Variants in ADA2 observed in about 807,000 individuals in gnomAD.
ADA2 encodes adenosine deaminase 2, also known as adenosine deaminase CECR1.
Under a neutral mutation model 44.2 loss-of-function variants are expected in ADA2, and 29 were observed. The ratio of observed to expected loss-of-function variants is 0.66; its 90% CI spans 0.49 to 0.89. The LOEUF (loss-of-function observed/expected upper bound fraction) is 0.89. Among genes scored for constraint, ADA2 ranks in the 40% least tolerant of loss-of-function variants. ADA2 has a pLI of 0.00. For missense variants in ADA2, 637 were observed against 644.8 expected (o/e 0.99, Z 0.13); for synonymous variants, 215 against 234.9 (o/e 0.92, Z 0.77).
chr22:17,183,169 C>T (rs1017741922), intron 7 of ADA2, among the ~76,000 whole-genome samples: 1 of 152,068 alleles, frequency 6.6e-6, no homozygotes, highest in African/African-American at 2.4e-5. Flanking sequence ...CTGCAACCTC[C>T]ACCTCCCAGG....
rs570657103 is a variant in ADA2 at position 17,183,564 on chromosome 22, G to A, written c.1082-803C>T. ...CAACCTCCGCCTCCCGGGTTCAAGC[G>A]GATTCTCCTGCCTCAGCCTCCTGAG... On this transcript the variant is annotated intron_variant, in intron 7 of 9. Coordinates refer to ENST00000399837, the MANE Select transcript of ADA2 (RefSeq NM_001282225.2). Among the ~76,000 whole-genome samples, 36 of 146,142 alleles carry A rather than the reference G, an allele frequency of 2.5e-4. No individual in the cohort carries two copies. In the East Asian group the frequency reaches 6.6e-3, roughly 27 times the overall value.
chr22:17,213,584 G>T, intron 1 of ADA2: 1 of 295,070 alleles, frequency 3.4e-6, no homozygotes, highest in South Asian at 3.1e-5. Context: ...TGACCAAGCG[G>T]AAGAAGAAAA....
At chr22:17,220,146 G>A (rs1427726775), upstream of ADA2, among the ~76,000 whole-genome samples, 1 of 152,134 alleles carries the variant, frequency 6.6e-6, no homozygotes, top group African/African-American at 2.4e-5. Context: ...ATTGTGGACT[G>A]TGGGGCAACC....
At chr22:17,204,992 C>T (rs2062338023) in intron 3 of ADA2, among the ~76,000 whole-genome samples, 1 of 151,462 alleles carries the variant, frequency 6.6e-6, no homozygotes, top group Non-Finnish European at 1.5e-5. Flanking sequence ...ATGGGGATCT[C>T]ACTATGTTGC....
At chr22:17,185,891 C>CCGGCCTCCATGTGAA (rs2062030244) in intron 7 of ADA2, among the ~76,000 whole-genome samples, 2 of 152,166 alleles carry the variant, frequency 1.3e-5, no homozygotes, top group Non-Finnish European at 2.9e-5. Context: ...CCTCCTGGTC[C>CCGGCCTCCATGTGAA]CGGCCTCCAT....
chr22:17,213,231 C>G (rs1398046865), intron 1 of ADA2, among the ~76,000 whole-genome samples: 2 of 152,144 alleles, frequency 1.3e-5, no homozygotes, highest in Non-Finnish European at 2.9e-5. Context: ...GCTCCTTACA[C>G]CACTGGTGGG....
intron 4 of ADA2, chr22:17,193,356 TG>T (rs373548801): frequency 3.9e-5 from 1 of 25,492 alleles, no homozygotes; most frequent in Non-Finnish European, 7.5e-5. Flanking sequence ...CCGTAAAAAC[TG>T]CAAAAAAAAA....
chr22:17,213,865 C>G (rs751251225), intron 1 of ADA2: 2 of 290,678 alleles, frequency 6.9e-6, no homozygotes, highest in Non-Finnish European at 6.7e-6. Context: ...CGGTGAAACC[C>G]CGTCTCTATT....
chr22:17,208,310 G>GCTA (rs1481390662), intron 2 of ADA2, among the ~76,000 whole-genome samples: 1 of 151,430 alleles, frequency 6.6e-6, no homozygotes, highest in African/African-American at 2.4e-5. Context: ...TGTAATCCCA[G>GCTA]CTACTCGGGA....
intron 4 of ADA2, chr22:17,199,817 G>A (rs1601449180): frequency 7.6e-7 from 1 of 1,322,286 alleles, no homozygotes; most frequent in Non-Finnish European, 9.9e-7. Flanking sequence ...CATGGCTCGC[G>A]TCTGTAATCC....
chr22:17,208,868 G>A (rs566870825), intron 2 of ADA2, among the ~76,000 whole-genome samples: 3 of 149,558 alleles, frequency 2.0e-5, no homozygotes, highest in Admixed American at 6.8e-5. Context: ...TTGCTCTGTC[G>A]CCCAGGCTGG....
chr22:17,194,407 T>G (rs1033648740), intron 4 of ADA2, among the ~76,000 whole-genome samples: 1 of 152,120 alleles, frequency 6.6e-6, no homozygotes, highest in African/African-American at 2.4e-5. Flanking sequence ...CTGCGGCCAT[T>G]GTGTGTCCTT....
chr22:17,191,548 G>T, intron 5 of ADA2, 135 bp downstream of exon 5: 3 of 987,026 alleles, frequency 3.0e-6, no homozygotes, highest in Non-Finnish European at 4.6e-6. Context: ...CACAGGCACA[G>T]CACAGCTCCT....
chr22:17,204,730 C>A (rs2062333730), intron 3 of ADA2, among the ~76,000 whole-genome samples: 1 of 152,114 alleles, frequency 6.6e-6, no homozygotes, highest in South Asian at 2.1e-4. Flanking sequence ...GGAGGAACCA[C>A]CCCTGCCCTG....
intron 4 of ADA2, among the ~76,000 whole-genome samples, chr22:17,194,447 AT>A (rs2062164612): frequency 6.6e-6 from 1 of 152,010 alleles, no homozygotes; most frequent in Admixed American, 6.6e-5. Context: ...AGATCCCCGC[AT>A]TCCCCCAGGC....
intron 1 of ADA2, chr22:17,214,126 C>T (rs1304217129): frequency 5.4e-6 from 4 of 735,554 alleles, no homozygotes; most frequent in Non-Finnish European, 9.6e-6. Flanking sequence ...ACTCACGGAG[C>T]ATTACATTCC....
rs1488881713 is a variant in ADA2 at position 17,178,973 on chromosome 22, A to C, written c.*2510T>G. The C allele has an allele frequency of 1.3e-5, 2 of 152,198 alleles. No homozygotes were observed. The highest frequency in any genetic ancestry group is 2.9e-5 in the Non-Finnish European group (2 of 68,068). The allele number at this position is 152,198 out of a possible 1,614,324, so 9.4% of individuals were successfully genotyped here. ...AGGACCCTAGAGGTTGTCTTCTTCC[A>C]TCCAGGCACAGCTTATGGTTGCTGT... is the stretch of plus-strand genomic sequence containing the variant. On this transcript the variant is annotated 3_prime_UTR_variant, in exon 10 of 10. Coordinates refer to ENST00000399837, the MANE Select transcript of ADA2 (RefSeq NM_001282225.2).
chr22:17,220,415 T>C (rs2062514835), upstream of ADA2, among the ~76,000 whole-genome samples: 1 of 152,152 alleles, frequency 6.6e-6, no homozygotes, highest in Non-Finnish European at 1.5e-5. Context: ...GTTTCAACTC[T>C]CTATACTTCA....
chr22:17,192,582 C>G (rs540094870), intron 4 of ADA2, among the ~76,000 whole-genome samples: 21 of 152,102 alleles, frequency 1.4e-4, no homozygotes, highest in Non-Finnish European at 4.4e-5. Flanking sequence ...AATCATAGCA[C>G]TTTGGGAGGC....
Sources: gnomAD v4.1 joint callset for allele counts (sites outside exome capture counted in the v4.1 genomes callset) on GRCh38, gnomAD v4.1.1 for gene constraint, MANE v1.5 for transcripts, NCBI Gene and HGNC (gene_info 2026-07-23, HGNC 2026-07-21) for gene names.